IKZF4: variants seen among roughly 807,000 people sequenced by gnomAD.
IKZF4 encodes the protein IKAROS family zinc finger 4.
In IKZF4, 11 loss-of-function variants were observed where a neutral mutation model predicts 47.7. That is an observed-to-expected ratio of 0.23 (90% CI 0.15 to 0.38). The LOEUF (loss-of-function observed/expected upper bound fraction) is 0.38. Among genes scored for constraint, IKZF4 ranks in the 10% least tolerant of loss-of-function variants. IKZF4 has a pLI of 1.00. For missense variants in IKZF4, 557 were observed against 784.9 expected (o/e 0.71, Z 3.47); for synonymous variants, 298 against 299.4 (o/e 1.00, Z 0.05).
At chr12:56,020,108 C>T (rs1335051806), upstream of IKZF4, among the ~76,000 whole-genome samples, 1 of 152,274 alleles carries the variant, frequency 6.6e-6, no homozygotes, top group Non-Finnish European at 1.5e-5. Flanking sequence ...CCTCCCGAAG[C>T]ACACTGCGGG....
chr12:56,009,976 C>T (rs992645483), intron 1 of IKZF4: 2 of 152,148 alleles, frequency 1.3e-5, no homozygotes, highest in South Asian at 2.1e-4. Flanking sequence ...CCCCTGCCCC[C>T]CCACACACAG....
At chr12:56,008,200 A>G (rs1051761189) in intron 1 of IKZF4, among the ~76,000 whole-genome samples, 13 of 152,320 alleles carry the variant, frequency 8.5e-5, no homozygotes, top group African/African-American at 2.6e-4. Context: ...CTGGGAGGCA[A>G]TGAGCATATT....
chr12:56,026,881 A>T lies in IKZF4; in HGVS notation c.387A>T (p.Glu129Asp), dbSNP rs1015139667. 6.2e-7 allele frequency: 1 copy of T among 1,613,476 alleles called. No individual in the cohort carries two copies. The highest frequency in any genetic ancestry group is 1.7e-5 in the Admixed American group (1 of 59,942). The stretch of plus-strand genomic sequence containing the variant: ...AAAAGGACGACAGCGTGATTGTGGA[A>T]GATTCATTGTCTGAGCCCCTGGGCT... Reference protein sequence around the residue: ...LLEKDDSVIVEDSLSEPLGYC... With the variant: ...LLEKDDSVIVDDSLSEPLGYC... The change falls in exon 4 of 8, where the codon GAA becomes GAT. Residue 129 changes from glutamate (E) to aspartate (D), a missense_variant. By Grantham distance (45) the Glu-to-Asp change is conservative. Around this residue, in one of 6 missense-constraint regions of IKZF4, gnomAD observed 112 missense variants for 168.2 expected, o/e 0.67. Transcript: ENST00000547167.
Position 56,034,707 on chromosome 12 carries a change from A to C in IKZF4, c.1134A>C (p.Ala378=), listed in dbSNP as rs1276884005. ...GAAGTTCCCTGGCCTTTGTGGGTGCAGAGCATCTGCGTCCCCTCCGCCTTC... is the reference window on the plus strand; with the variant it reads ...GAAGTTCCCTGGCCTTTGTGGGTGCCGAGCATCTGCGTCCCCTCCGCCTTC... ...GFGSSLAFVG[A]EHLRPLRLPP... The change falls in exon 8 of 8, where the codon GCA becomes GCC. Residue 378 remains alanine (A), a synonymous_variant. Transcript: ENST00000547167. 6.2e-7 allele frequency: 1 copy of C among 1,614,020 alleles called. No individual in the cohort carries two copies. The highest frequency in any genetic ancestry group is 8.5e-7 in the Non-Finnish European group (1 of 1,179,890).
intron 2 of IKZF4, chr12:56,024,806 T>G (rs1433599700): frequency 1.5e-6 from 2 of 1,344,556 alleles, no homozygotes; most frequent in Non-Finnish European, 1.9e-6. Flanking sequence ...CAGGCAGTGA[T>G]GCTCTTGCCC....
At chr12:56,014,264 C>T (rs1420172421) in intron 2 of IKZF4, among the ~76,000 whole-genome samples, 2 of 152,110 alleles carry the variant, frequency 1.3e-5, no homozygotes, top group South Asian at 2.1e-4. Flanking sequence ...TCACAGAGCA[C>T]GTTAAGAGCA....
At chr12:56,020,965 G>A, upstream of IKZF4, 2 of 1,027,050 alleles carry the variant, frequency 1.9e-6, no homozygotes, top group African/African-American at 1.7e-5. Flanking sequence ...AGCTGGCAGA[G>A]GATTGGGCCT....
At chr12:56,033,037 G>C (rs1049421103) in intron 6 of IKZF4, among the ~76,000 whole-genome samples, 153 bp from the exon 7 acceptor site, 3 of 152,162 alleles carry the variant, frequency 2.0e-5, no homozygotes, top group Admixed American at 6.5e-5. Context: ...TTATTGGAGT[G>C]AGCTTTAGGT....
At chr12:56,020,389 CAG>C (rs906764669), upstream of IKZF4, among the ~76,000 whole-genome samples, 7 of 152,184 alleles carry the variant, frequency 4.6e-5, no homozygotes, top group African/African-American at 1.7e-4. Flanking sequence ...TCAAGGGAAA[CAG>C]AGTTGCTGAA....
intron 1 of IKZF4, among the ~76,000 whole-genome samples, chr12:56,009,444 C>T (rs1009027561): frequency 2.0e-5 from 3 of 152,138 alleles, no homozygotes; most frequent in Admixed American, 6.5e-5. Flanking sequence ...CCAGTAGGTC[C>T]GTGAATCTTG....
Position 56,021,565 on chromosome 12 carries a change from G to T in IKZF4, c.72G>T (p.Arg24=), listed in dbSNP as rs574518203. 5 of 1,606,032 alleles carry T rather than the reference G, an allele frequency of 3.1e-6. No individual in the cohort carries two copies. In the African/African-American group the frequency reaches 5.3e-5, roughly 17 times the overall value. Residue 24 remains arginine (R), a synonymous_variant, in exon 1 of 8, where the codon CGG becomes CGT. Transcript: ENST00000547167. ...GCGTTCGCACCCCAGGGTCTCACCGGCAAGGGAAGGATAATGTAAGTTCAG... is the reference window on the plus strand; with the variant it reads ...GCGTTCGCACCCCAGGGTCTCACCGTCAAGGGAAGGATAATGTAAGTTCAG... ...GGRVRTPGSH[R]QGKDNLERDP... is the part of the protein sequence containing the mutation.
chr12:56,027,572 C>T (rs1459350718), intron 4 of IKZF4, among the ~76,000 whole-genome samples: 1 of 152,036 alleles, frequency 6.6e-6, no homozygotes, highest in Non-Finnish European at 1.5e-5. Flanking sequence ...CTGCCACACA[C>T]CTCTAATCCA....
upstream of IKZF4, chr12:56,020,852 G>C: frequency 2.5e-6 from 2 of 815,500 alleles, no homozygotes; most frequent in Non-Finnish European, 3.0e-6. Context: ...CCTCCTGGAG[G>C]AGGAGGGAAA....
intron 1 of IKZF4, among the ~76,000 whole-genome samples, chr12:56,009,389 G>A (rs1047883296): frequency 3.9e-5 from 6 of 152,156 alleles, no homozygotes; most frequent in African/African-American, 9.7e-5. Context: ...ATAGTGTTTC[G>A]TTTGGTTGGG....
chr12:56,036,100 G>C lies in IKZF4; in HGVS notation c.*769G>C, dbSNP rs987412384. 48 of 152,484 alleles carry C rather than the reference G, an allele frequency of 3.1e-4. No homozygotes were observed. The highest frequency in any genetic ancestry group is 1.1e-3 in the African/African-American group (47 of 41,360). The allele number at this position is 152,484 out of a possible 1,614,324, so 9.4% of individuals were successfully genotyped here. A position where few individuals can be genotyped will look rare whatever the true frequency, so the allele number is the denominator to read the frequency against. ...CTCCCTCTAGGATGTGATAGATCTG[G>C]TCCCTCTCCTTGAACTACCCCTCCA... On this transcript the variant is annotated 3_prime_UTR_variant, in exon 8 of 8. Coordinates refer to ENST00000547167, the MANE Select transcript of IKZF4 (RefSeq NM_022465.4).
rs1201619836 is a variant in IKZF4, at chr12:56,027,782, G to A, written c.550G>A (p.Glu184Lys). 1 of 1,612,450 alleles carries A rather than the reference G, an allele frequency of 6.2e-7. No homozygotes were observed. Among genetic ancestry groups the A allele is most frequent in the Admixed American group, 1.7e-5 (1 of 59,758 alleles). The change falls in exon 5 of 8, where the codon GAA (glutamate) becomes AAA (lysine). Residue 184 changes from glutamate to lysine, a missense_variant and splice_region_variant. Glu to Lys is a moderately conservative substitution (Grantham distance 56, BLOSUM62 1). This residue lies in a region of IKZF4 where 27 missense variants were observed against 85.4 expected (regional missense o/e 0.32). Coordinates refer to ENST00000547167, the MANE Select transcript of IKZF4 (RefSeq NM_022465.4). Reference protein sequence around the residue: ...LMVHKRSHTGERPFHCNQCGA... With the variant: ...LMVHKRSHTGKRPFHCNQCGA... ...GGGATTTGTTCTTTCACTTGCAGGT[G>A]AAAGGCCCTTCCATTGCAACCAGTG...
rs1454709605 is a variant in IKZF4, at chr12:56,037,781, C to T, written c.*2450C>T. On this transcript the variant is annotated 3_prime_UTR_variant, in exon 8 of 8. Coordinates refer to ENST00000547167, the MANE Select transcript of IKZF4 (RefSeq NM_022465.4). ...AGGTACAAAATCCTACTTTTCAGAG[C>T]CTTCCAGCTCTGGAACCTCAAACAT... 6.6e-6 allele frequency: 1 copy of T among 152,382 alleles called. No individual in the cohort carries two copies. Among genetic ancestry groups the T allele is most frequent in the African/African-American group, 2.4e-5 (1 of 41,350 alleles). The allele number at this position is 152,382 out of a possible 1,614,324, so 9.4% of individuals were successfully genotyped here.
At chr12:56,016,882 G>A (rs1892153621), upstream of IKZF4, among the ~76,000 whole-genome samples, 1 of 151,866 alleles carries the variant, frequency 6.6e-6, no homozygotes. Context: ...GTGTGAACCA[G>A]TGTGCCCAGT....
chr12:56,008,193 G>T (rs1890929335), intron 1 of IKZF4, among the ~76,000 whole-genome samples: 1 of 152,198 alleles, frequency 6.6e-6, no homozygotes. Context: ...GTGAGATCTG[G>T]GAGGCAATGA....
Sources: gnomAD v4.1 joint callset for allele counts (sites outside exome capture counted in the v4.1 genomes callset) on GRCh38, gnomAD v4.1.1 for gene constraint, gnomAD v4.1.1 regional missense constraint, MANE v1.5 for transcripts, NCBI Gene and HGNC (gene_info 2026-07-23, HGNC 2026-07-21) for gene names.